Variants in SDK1 observed in about 807,000 individuals in gnomAD.
The protein encoded by SDK1 is protein sidekick-1.
SDK1 carries 157 observed loss-of-function variants against 245.5 expected under a neutral mutation model. The observed-to-expected ratio is 0.64, with a 90% CI of 0.56 to 0.73. The LOEUF is 0.73. Ranked by LOEUF, SDK1 falls within the 30% of genes least tolerant of loss-of-function variation. SDK1 has a pLI of 0.00. For synonymous variants in SDK1, 1,647 were observed against 1,278.5 expected, an observed-to-expected ratio of 1.29 and a Z score of -6.15; for missense variants, 3,583 against 3,002.3, an observed-to-expected ratio of 1.19 and a Z score of -4.52.
At chr7:3,646,391 T>C (rs1204084893) in intron 4 of SDK1, among the ~76,000 whole-genome samples, 1 of 152,254 alleles carries the variant, frequency 6.6e-6, no homozygotes, top group Non-Finnish European at 1.5e-5. Flanking sequence ...GAATATCCTA[T>C]TAATAATCTT....
intron 1 of SDK1, among the ~76,000 whole-genome samples, chr7:3,322,212 T>A (rs547818044): frequency 3.3e-5 from 5 of 152,136 alleles, no homozygotes; most frequent in African/African-American, 1.2e-4. Context: ...TCTATGGATT[T>A]ATCTATTCTG....
chr7:3,875,229 G>T (rs970290209), intron 5 of SDK1, among the ~76,000 whole-genome samples: 2 of 152,116 alleles, frequency 1.3e-5, no homozygotes, highest in Non-Finnish European at 1.5e-5. Context: ...TGTACCCTTG[G>T]TTCTCTGACA....
chr7:3,313,731 A>G (rs1779602431), intron 1 of SDK1, among the ~76,000 whole-genome samples: 1 of 152,220 alleles, frequency 6.6e-6, no homozygotes, highest in Admixed American at 6.5e-5. Flanking sequence ...AATAAATTCA[A>G]GAGATCTGTT....
intron 35 of SDK1, among the ~76,000 whole-genome samples, chr7:4,204,693 C>A (rs1784093212): frequency 6.6e-6 from 1 of 152,208 alleles, no homozygotes; most frequent in African/African-American, 2.4e-5. Context: ...TCCTGGGCCG[C>A]AGCCCCGGCG....
chr7:4,150,375 G>A (rs1188949258), intron 30 of SDK1, among the ~76,000 whole-genome samples: 2 of 152,168 alleles, frequency 1.3e-5, no homozygotes, highest in Non-Finnish European at 2.9e-5. Context: ...GGGCTCTGGA[G>A]CCTGCACCAA....
At position 4,221,357 on chromosome 7, in the gene SDK1, G is replaced by T; in HGVS notation, c.5820G>T (p.Arg1940=). 1 of 1,607,280 alleles carries T rather than the reference G, an allele frequency of 6.2e-7. No individual in the cohort carries two copies. The highest frequency in any genetic ancestry group is 8.5e-7 in the Non-Finnish European group (1 of 1,177,242). The part of the protein sequence containing the change: ...TPTTGYVIEA[R]PSDEGLWDMF... ...CCACGGGCTATGTGATCGAGGCCCG[G>T]CCCTCAGGTAGGGTGGCAGGCCCCA... Residue 1940 remains arginine (R), a synonymous_variant, in exon 40 of 45, where the codon CGG becomes CGT. Transcript: ENST00000404826.
chr7:4,113,482 G>A (rs1212036701), intron 24 of SDK1, 43 bp downstream of exon 24: 2 of 1,605,270 alleles, frequency 1.2e-6, no homozygotes, highest in African/African-American at 1.3e-5. Context: ...CACGGGTCCT[G>A]AGTGAGCCAG....
intron 1 of SDK1, among the ~76,000 whole-genome samples, chr7:3,563,812 C>T (rs573751783): frequency 5.3e-5 from 8 of 152,172 alleles, no homozygotes; most frequent in East Asian, 1.9e-4. Context: ...TAAGAAGCCT[C>T]AATTTCCCAG....
intron 1 of SDK1, among the ~76,000 whole-genome samples, chr7:3,594,010 A>C (rs916963102): frequency 3.3e-5 from 5 of 152,186 alleles, no homozygotes; most frequent in African/African-American, 9.7e-5. Context: ...CATGATTTTT[A>C]ACATGTTTAG....
At chr7:4,208,689 G>T (rs919950967) in intron 37 of SDK1, among the ~76,000 whole-genome samples, 1 of 152,176 alleles carries the variant, frequency 6.6e-6, no homozygotes, top group Non-Finnish European at 1.5e-5. Flanking sequence ...TAGGCTCCTC[G>T]GGCAGTAAAT....
At chr7:3,858,945 C>G (rs1455636776) in intron 5 of SDK1, among the ~76,000 whole-genome samples, 1 of 146,966 alleles carries the variant, frequency 6.8e-6, no homozygotes, top group Non-Finnish European at 1.5e-5. Flanking sequence ...TCGCTGCAAG[C>G]TCCACCCACC....
intron 1 of SDK1, among the ~76,000 whole-genome samples, chr7:3,463,154 T>C (rs993445532): frequency 6.6e-6 from 1 of 152,236 alleles, no homozygotes; most frequent in African/African-American, 2.4e-5. Flanking sequence ...CCTGACTCCA[T>C]GGAGATGGGG....
At chr7:3,388,997 A>G (rs2128569404) in intron 1 of SDK1, among the ~76,000 whole-genome samples, 1 of 152,342 alleles carries the variant, frequency 6.6e-6, no homozygotes, top group Admixed American at 6.5e-5. Context: ...CCTGTGATAC[A>G]GAATCACTGA....
chr7:3,863,283 C>T (rs1780740656), intron 5 of SDK1, among the ~76,000 whole-genome samples: 2 of 152,196 alleles, frequency 1.3e-5, no homozygotes, highest in Admixed American at 6.5e-5. Context: ...ATTGAATTAT[C>T]AGAGACCTTT....
chr7:3,941,899 A>ACT (rs1462112244), intron 5 of SDK1, among the ~76,000 whole-genome samples: 1 of 145,066 alleles, frequency 6.9e-6, no homozygotes, highest in Admixed American at 7.0e-5. Flanking sequence ...TTTGGACAAG[A>ACT]CTTCATTCTT....
intron 1 of SDK1, among the ~76,000 whole-genome samples, chr7:3,465,076 A>C (rs188049070): frequency 2.6e-5 from 4 of 152,272 alleles, no homozygotes; most frequent in Admixed American, 2.6e-4. Context: ...CAGAATTTAC[A>C]TGTGGTGGGG....
At chr7:3,951,467 C>T (rs1365277278) in intron 6 of SDK1, among the ~76,000 whole-genome samples, 3 of 152,192 alleles carry the variant, frequency 2.0e-5, no homozygotes, top group Non-Finnish European at 2.9e-5. Flanking sequence ...ATTTCCTGAG[C>T]AAATGGGATC....
At chr7:3,658,737 C>G (rs951942605) in intron 4 of SDK1, among the ~76,000 whole-genome samples, 1 of 151,858 alleles carries the variant, frequency 6.6e-6, no homozygotes, top group Admixed American at 6.6e-5. Context: ...GTCTCAGCCT[C>G]CTGAGTAGCT....
At position 3,754,953 on chromosome 7, in the gene SDK1, A is replaced by C. The variant is rs148298955; in HGVS notation, c.714-66497A>C. Reference sequence around the variant, plus strand: ...TTTCTTACATTACTGATTACGTCTCACTTGGGCGATGTTTTATCTAATTTC... The same window carrying C: ...TTTCTTACATTACTGATTACGTCTCCCTTGGGCGATGTTTTATCTAATTTC... On this transcript the variant is annotated intron_variant, in intron 4 of 44. Coordinates refer to ENST00000404826, the MANE Select transcript of SDK1 (RefSeq NM_152744.4). 4.5e-4 allele frequency among the ~76,000 whole-genome samples: 69 copies of C among 152,278 alleles called. 1 individual carries two copies. Among genetic ancestry groups the C allele is most frequent in the African/African-American group, 1.6e-3 (67 of 41,560 alleles).
Sources: gnomAD v4.1 joint callset for allele counts (sites outside exome capture counted in the v4.1 genomes callset) on GRCh38, gnomAD v4.1.1 for gene constraint, MANE v1.5 for transcripts, NCBI Gene and HGNC (gene_info 2026-07-23, HGNC 2026-07-21) for gene names.